BTAF1: variants seen among roughly 807,000 people sequenced by gnomAD.
BTAF1 encodes the protein B-TFIID TATA-box binding protein associated factor 1.
A neutral mutation model predicts 227.1 loss-of-function variants in BTAF1; 38 were observed. The ratio of observed to expected loss-of-function variants is 0.17; its 90% CI spans 0.13 to 0.22. The LOEUF (loss-of-function observed/expected upper bound fraction) is 0.22. Ranked by LOEUF, BTAF1 falls within the 10% of genes least tolerant of loss-of-function variation. The pLI is 1.00. For synonymous variants in BTAF1, 742 were observed against 751.9 expected, an observed-to-expected ratio of 0.99 and a Z score of 0.21; for missense variants, 1,598 against 2,204.0, an observed-to-expected ratio of 0.73 and a Z score of 5.51.
chr10:92,001,352 G>A (rs773088952), intron 25 of BTAF1, among the ~76,000 whole-genome samples: 7 of 152,196 alleles, frequency 4.6e-5, no homozygotes, highest in Non-Finnish European at 8.8e-5. Flanking sequence ...CATGTACTGT[G>A]ACATCTTTGA....
In BTAF1 at chr10:91,984,340, T is replaced by C. The variant is rs1848255096; in HGVS notation, c.2363T>C (p.Val788Ala). ...CKQLISSLAD[V>A]HIEVGNRVNN... ...CAACTTATATCATCATTAGCTGATG[T>C]ACATATTGAAGTTGGTAATCGAGTA... The change falls in exon 19 of 38, where the codon GTA (valine) becomes GCA (alanine). Residue 788 changes from valine (V) to alanine (A), a missense_variant. By Grantham distance (64) the Val-to-Ala change is moderately conservative (BLOSUM62 0). Coordinates refer to ENST00000265990, the MANE Select transcript of BTAF1 (RefSeq NM_003972.3). The C allele has an allele frequency of 1.2e-6, 2 of 1,613,506 alleles. No homozygotes were observed. Among genetic ancestry groups the C allele is most frequent in the Non-Finnish European group, 1.7e-6 (2 of 1,179,820 alleles).
intron 4 of BTAF1, among the ~76,000 whole-genome samples, chr10:91,949,133 A>G (rs1845581312): frequency 6.6e-6 from 1 of 152,052 alleles, no homozygotes; most frequent in African/African-American, 2.4e-5. Flanking sequence ...CAGTCTAGAG[A>G]GAAGACCCCA....
chr10:91,947,382 T>C (rs961745357), intron 4 of BTAF1, among the ~76,000 whole-genome samples: 6 of 152,080 alleles, frequency 3.9e-5, no homozygotes, highest in African/African-American at 1.4e-4. Flanking sequence ...GTTTTTTTTG[T>C]ATATGTTTTG....
In BTAF1 at chr10:91,942,382, T is replaced by C. The variant is rs777835824; in HGVS notation, c.254-40T>C. Reference sequence around the variant, plus strand: ...TGCTATTTTCTTTCATTCCACACTTTGGCTATATGGTCAAATTAATATTTT... The same window carrying C: ...TGCTATTTTCTTTCATTCCACACTTCGGCTATATGGTCAAATTAATATTTT... On this transcript the variant is annotated intron_variant, in intron 3 of 37. Coordinates refer to ENST00000265990, the MANE Select transcript of BTAF1 (RefSeq NM_003972.3). The C allele has an allele frequency of 8.9e-6, 14 of 1,578,006 alleles. No individual in the cohort carries two copies. The East Asian group carries it at 2.5e-4, about 28-fold the overall frequency.
intron 7 of BTAF1, among the ~76,000 whole-genome samples, chr10:91,956,915 G>A (rs867026516): frequency 1.4e-4 from 22 of 152,140 alleles, no homozygotes; most frequent in Middle Eastern, 3.4e-3. Context: ...GCTTGAACCC[G>A]GGAGGCCGAG....
intron 4 of BTAF1, among the ~76,000 whole-genome samples, chr10:91,944,041 C>T (rs916107673): frequency 6.6e-6 from 1 of 152,016 alleles, no homozygotes; most frequent in Non-Finnish European, 1.5e-5. Flanking sequence ...ATCCCAGCTA[C>T]TCTGGAGGCT....
At chr10:91,965,401 A>G (rs953477566) in intron 13 of BTAF1, among the ~76,000 whole-genome samples, 2 of 152,162 alleles carry the variant, frequency 1.3e-5, no homozygotes, top group African/African-American at 4.8e-5. Context: ...GTAGTGTGAA[A>G]ACAGCTGTAC....
intron 15 of BTAF1, among the ~76,000 whole-genome samples, 187 bp from the exon 16 acceptor site, chr10:91,981,455 CT>C (rs898360561): frequency 1.3e-4 from 19 of 150,124 alleles, no homozygotes; most frequent in East Asian, 5.8e-4. Context: ...CTTTGCATGA[CT>C]TTTTTTTTAG....
At chr10:91,950,463 T>G (rs966886066) in intron 4 of BTAF1, among the ~76,000 whole-genome samples, 1 of 152,066 alleles carries the variant, frequency 6.6e-6, no homozygotes, top group Admixed American at 6.6e-5. Context: ...AAGCAGATCG[T>G]TATTGTTTTT....
At chr10:91,929,374 T>G (rs1330133644) in intron 1 of BTAF1, among the ~76,000 whole-genome samples, 1 of 152,200 alleles carries the variant, frequency 6.6e-6, no homozygotes, top group African/African-American at 2.4e-5. Flanking sequence ...AATATGACTG[T>G]TTTAAAAGCC....
rs1851721990 is a variant in BTAF1, at chr10:92,029,008, A to G, written c.*75A>G. 8 of 1,390,886 alleles carry G rather than the reference A, an allele frequency of 5.8e-6. No homozygotes were observed. Among genetic ancestry groups the G allele is most frequent in the Non-Finnish European group, 7.8e-6 (8 of 1,027,708 alleles). The allele number at this position is 1,390,886 out of a possible 1,614,324, so 86.2% of individuals were successfully genotyped here. The stretch of plus-strand genomic sequence containing the variant: ...TGATATTCAGCAAATTTCTAAGTTT[A>G]TGGTGAACTTTTAACTCAATGTGTA... On this transcript the variant is annotated 3_prime_UTR_variant, in exon 38 of 38. Transcript: ENST00000265990.
chr10:92,024,092 G>A (rs1851321968), intron 34 of BTAF1, among the ~76,000 whole-genome samples: 1 of 152,170 alleles, frequency 6.6e-6, no homozygotes, highest in Admixed American at 6.5e-5. Flanking sequence ...GCAAGGCACC[G>A]AACCACTTTA....
chr10:92,019,737 T>C (rs1278954443), intron 34 of BTAF1, among the ~76,000 whole-genome samples: 1 of 152,248 alleles, frequency 6.6e-6, no homozygotes, highest in East Asian at 1.9e-4. Flanking sequence ...TTTGATTTGC[T>C]ATTCCCTAAT....
intron 37 of BTAF1, among the ~76,000 whole-genome samples, chr10:92,027,733 ATAG>A (rs1190998863): frequency 7.3e-5 from 11 of 150,992 alleles, no homozygotes; most frequent in Non-Finnish European, 1.3e-4. Context: ...TTCTCAATAA[ATAG>A]TAGCCATTGT....
chr10:92,026,883 T>A, intron 36 of BTAF1, 132 bp downstream of exon 36: 1 of 1,061,936 alleles, frequency 9.4e-7, no homozygotes, highest in Non-Finnish European at 1.3e-6. Context: ...ACAGATCACT[T>A]AACTCTTCTG....
chr10:92,022,321 T>C (rs889527615), intron 34 of BTAF1, among the ~76,000 whole-genome samples: 74 of 152,346 alleles, frequency 4.9e-4, no homozygotes, highest in African/African-American at 1.8e-3. Flanking sequence ...TTGCTGCCTA[T>C]GGAACTGAGA....
chr10:91,992,095 G>T (rs1474156034), intron 20 of BTAF1, 24 bp from the exon 21 acceptor site: 2 of 1,531,424 alleles, frequency 1.3e-6, no homozygotes, highest in African/African-American at 1.4e-5. Flanking sequence ...TGATTAAAAG[G>T]TTGTTTAACT....
At position 91,966,699 on chromosome 10, in the gene BTAF1, C is replaced by T. The variant is rs2133922357; in HGVS notation, c.1592C>T (p.Ser531Leu). The change falls in exon 14 of 38, where the codon TCA becomes TTA. Residue 531 changes from serine to leucine, a missense_variant. By Grantham distance (145) the Ser-to-Leu change is moderately radical. Coordinates refer to ENST00000265990, the MANE Select transcript of BTAF1 (RefSeq NM_003972.3). Reference sequence around the variant, plus strand: ...TGGCCTTTTTTGCATCACACTATATCATCAGTTCGAAGAGCAGCATTGGAA... The same window carrying T: ...TGGCCTTTTTTGCATCACACTATATTATCAGTTCGAAGAGCAGCATTGGAA... ...RVWPFLHHTI[S>L]SVRRAALETL... 3 of 1,614,002 alleles carry T rather than the reference C, an allele frequency of 1.9e-6. No individual in the cohort carries two copies. The highest frequency in any genetic ancestry group is 2.5e-6 in the Non-Finnish European group (3 of 1,179,890).
At chr10:91,963,579 A>G (rs1208296108) in intron 12 of BTAF1, among the ~76,000 whole-genome samples, 1 of 151,940 alleles carries the variant, frequency 6.6e-6, no homozygotes, top group Non-Finnish European at 1.5e-5. Flanking sequence ...CTCTAGTCTC[A>G]TTTTTTGAAA....
Sources: allele counts gnomAD v4.1 joint callset (sites outside exome capture counted in the v4.1 genomes callset), GRCh38; gene constraint gnomAD v4.1.1; transcripts MANE v1.5; gene names NCBI Gene and HGNC (gene_info 2026-07-23, HGNC 2026-07-21).